The following GALNT8 variants were observed in gnomAD, a reference collection of about 807,000 sequenced individuals.
GALNT8 encodes probable polypeptide N-acetylgalactosaminyltransferase 8.
Under a neutral mutation model 62.7 loss-of-function variants are expected in GALNT8, and 66 were observed. That is an observed-to-expected ratio of 1.05 (90% CI 0.86 to 1.29). The LOEUF is 1.29. Among genes scored for constraint, GALNT8 ranks in the 50% most tolerant of loss-of-function variants. GALNT8 has a pLI of 0.00. For synonymous variants in GALNT8, 288 were observed against 294.3 expected, an observed-to-expected ratio of 0.98 and a Z score of 0.22; for missense variants, 771 against 791.8, an observed-to-expected ratio of 0.97 and a Z score of 0.32.
intron 7 of GALNT8, among the ~76,000 whole-genome samples, chr12:4,761,461 A>G (rs1007116015): frequency 6.6e-6 from 1 of 152,158 alleles, no homozygotes; most frequent in Non-Finnish European, 1.5e-5. Context: ...GCAGGGAGTA[A>G]GATTCAAACC....
intron 6 of GALNT8, among the ~76,000 whole-genome samples, chr12:4,753,386 A>G (rs1341343739): frequency 1.3e-5 from 2 of 151,978 alleles, no homozygotes; most frequent in Non-Finnish European, 1.5e-5. Flanking sequence ...TCCTCTGACT[A>G]TGTATTTTAC....
intron 7 of GALNT8, among the ~76,000 whole-genome samples, chr12:4,762,050 CTTCTTTA>C (rs1034942732): frequency 6.6e-5 from 10 of 152,144 alleles, no homozygotes; most frequent in African/African-American, 2.2e-4. Context: ...ATGCCTGAGC[CTTCTTTA>C]TCATTTAAAG....
At chr12:4,737,657 A>T (rs973776261) in intron 2 of GALNT8, among the ~76,000 whole-genome samples, 15 of 152,280 alleles carry the variant, frequency 9.9e-5, no homozygotes, top group African/African-American at 3.4e-4. Context: ...GTTAAAATGT[A>T]TTTGCCATTG....
Position 4,720,708 on chromosome 12 carries a change from C to T in GALNT8, c.31C>T (p.Leu11Phe). Residue 11 changes from leucine (L) to phenylalanine (F), a missense_variant, in exon 1 of 11, where the codon CTC becomes TTC. Leu to Phe is a conservative substitution (Grantham distance 22, BLOSUM62 0). Transcript: ENST00000252318. MMFWRKLPKA[L>F]FIGLTLAIAV... ...GTTTTGGAGGAAACTCCCCAAAGCC[C>T]TCTTCATTGGGCTGACTCTGGCCAT... 6.2e-7 allele frequency: 1 copy of T among 1,613,702 alleles called. No homozygotes were observed. The highest frequency in any genetic ancestry group is 8.5e-7 in the Non-Finnish European group (1 of 1,179,592).
Position 4,765,375 on chromosome 12 carries a change from T to A in GALNT8, c.1594-4T>A. 3 of 1,306,452 alleles carry A rather than the reference T, an allele frequency of 2.3e-6. No homozygotes were observed. The allele number at this position is 1,306,452 out of a possible 1,614,324, so 80.9% of individuals were successfully genotyped here. The stretch of plus-strand genomic sequence containing the variant: ...TGCTTTTTTTTTTTTTTTTTTTTTT[T>A]TAGAATGTCTACTATCACCTAACTG... On this transcript the variant is annotated splice_region_variant and splice_polypyrimidine_tract_variant and intron_variant, in intron 9 of 10. Coordinates refer to ENST00000252318, the MANE Select transcript of GALNT8 (RefSeq NM_017417.2).
chr12:4,739,094 G>A, intron 2 of GALNT8, 69 bp from the exon 3 acceptor site: 1 of 956,502 alleles, frequency 1.0e-6, no homozygotes, highest in Non-Finnish European at 1.5e-6. Context: ...CAGAGTGAAA[G>A]GAAAGATTGG....
chr12:4,750,268 G>A (rs1179783221), intron 6 of GALNT8, among the ~76,000 whole-genome samples: 1 of 151,930 alleles, frequency 6.6e-6, no homozygotes, highest in Admixed American at 6.6e-5. Flanking sequence ...TTATTGTACA[G>A]ATTATTTCAT....
chr12:4,772,665 C>A lies in GALNT8; in HGVS notation c.*68C>A. ...GGAATGGCTTCTACTCCTAACACTC[C>A]CAGCTTCTTTCTCAATGAGAAAGAA... On this transcript the variant is annotated 3_prime_UTR_variant, in exon 11 of 11. Coordinates refer to ENST00000252318, the MANE Select transcript of GALNT8 (RefSeq NM_017417.2). The A allele has an allele frequency of 1.6e-6, 2 of 1,220,100 alleles. No individual in the cohort carries two copies. The highest frequency in any genetic ancestry group is 2.3e-5 in the East Asian group (1 of 42,924). The allele number at this position is 1,220,100 out of a possible 1,614,324, so 75.6% of individuals were successfully genotyped here. A position where few individuals can be genotyped will look rare whatever the true frequency, so the allele number is the denominator to read the frequency against.
intron 6 of GALNT8, among the ~76,000 whole-genome samples, chr12:4,752,900 G>A (rs1946328522): frequency 6.6e-6 from 1 of 152,106 alleles, no homozygotes; most frequent in Admixed American, 6.5e-5. Flanking sequence ...TTGTGGGAAA[G>A]TCTTTATTTC....
At chr12:4,747,511 T>C (rs1946305204) in intron 6 of GALNT8, among the ~76,000 whole-genome samples, 1 of 152,236 alleles carries the variant, frequency 6.6e-6, no homozygotes, top group Admixed American at 6.5e-5. Flanking sequence ...CTTAACATAA[T>C]GATCTCCAGT....
At chr12:4,738,965 C>A (rs191194142) in intron 2 of GALNT8, among the ~76,000 whole-genome samples, 198 bp from the exon 3 acceptor site, 9 of 152,084 alleles carry the variant, frequency 5.9e-5, no homozygotes, top group Admixed American at 2.0e-4. Flanking sequence ...AGATTTTATC[C>A]CCATAACAGG....
Position 4,763,240 on chromosome 12 carries a change from G to T in GALNT8, c.1360-13G>T. 6.2e-7 allele frequency: 1 copy of T among 1,609,656 alleles called. No individual in the cohort carries two copies. The highest frequency in any genetic ancestry group is 8.5e-7 in the Non-Finnish European group (1 of 1,176,274). On this transcript the variant is annotated splice_polypyrimidine_tract_variant and intron_variant, in intron 7 of 10. Transcript: ENST00000252318. Reference sequence around the variant, plus strand: ...GAATCAAAGCACAGAAACACTTGGCGTTTTATTTACAGAACTCTGGAATAG... The same window carrying T: ...GAATCAAAGCACAGAAACACTTGGCTTTTTATTTACAGAACTCTGGAATAG...
intron 7 of GALNT8, 149 bp downstream of exon 7, chr12:4,761,292 T>A (rs1016868831): frequency 1.6e-6 from 1 of 638,532 alleles, no homozygotes; most frequent in East Asian, 2.7e-5. Flanking sequence ...GCTCTTAACA[T>A]TTATGTAACA....
chr12:4,755,883 T>G (rs373353198), intron 6 of GALNT8, among the ~76,000 whole-genome samples: 24 of 152,276 alleles, frequency 1.6e-4, no homozygotes, highest in Admixed American at 2.6e-4. Context: ...CCAGCTGGCT[T>G]GGATGGAGTG....
intron 10 of GALNT8, among the ~76,000 whole-genome samples, chr12:4,768,008 A>G (rs1379724978): frequency 6.6e-6 from 1 of 152,190 alleles, no homozygotes; most frequent in African/African-American, 2.4e-5. Flanking sequence ...TTAATAAATT[A>G]AATTCCATTA....
In GALNT8 at chr12:4,725,597, C is replaced by G. The variant is rs572992922; in HGVS notation, c.212-935C>G. 6.0e-4 allele frequency among the ~76,000 whole-genome samples: 89 copies of G among 147,126 alleles called. 1 individual carries two copies. The highest frequency in any genetic ancestry group is 2.1e-3 in the African/African-American group (84 of 39,544). On this transcript the variant is annotated intron_variant, in intron 1 of 10. Coordinates refer to ENST00000252318, the MANE Select transcript of GALNT8 (RefSeq NM_017417.2). ...TTGAGACGGAGTCTCGCTCTGTTGC[C>G]CAGGCTGGAGTGCAGTGGCACAATC...
chr12:4,724,788 C>G (rs764144388), intron 1 of GALNT8, among the ~76,000 whole-genome samples: 2 of 152,152 alleles, frequency 1.3e-5, no homozygotes, highest in Non-Finnish European at 2.9e-5. Context: ...CCTTTTCCTT[C>G]TTTTTGGGCC....
chr12:4,760,051 G>C (rs1946364548), intron 6 of GALNT8, among the ~76,000 whole-genome samples: 1 of 152,186 alleles, frequency 6.6e-6, no homozygotes, highest in African/African-American at 2.4e-5. Context: ...GTTATCACCA[G>C]CTTAGTGTTT....
In GALNT8 at chr12:4,726,427, G is replaced by A; in HGVS notation, c.212-105G>A. ...GACAAGAGCTTATAAGTTTTAAGAT[G>A]TAGTGGGTAAACCGTTAGAGGAAAT... is the stretch of plus-strand genomic sequence containing the variant. On this transcript the variant is annotated intron_variant, in intron 1 of 10. Transcript: ENST00000252318. This position sits in a 1 kb window ranked among gnomAD's most constrained non-coding sequence, Gnocchi z 4.1. The A allele has an allele frequency of 2.7e-6, 2 of 745,774 alleles. No homozygotes were observed. The highest frequency in any genetic ancestry group is 4.4e-6 in the Non-Finnish European group (2 of 453,514). The allele number at this position is 745,774 out of a possible 1,614,324, so 46.2% of individuals were successfully genotyped here. A position where few individuals can be genotyped will look rare whatever the true frequency, so the allele number is the denominator to read the frequency against.
Sources: gnomAD v4.1 joint callset for allele counts (sites outside exome capture counted in the v4.1 genomes callset) on GRCh38, gnomAD v4.1.1 for gene constraint, Gnocchi (gnomAD v3.1) non-coding constraint, MANE v1.5 for transcripts, NCBI Gene and HGNC (gene_info 2026-07-23, HGNC 2026-07-21) for gene names.